JDP2: variants seen among roughly 807,000 people sequenced by gnomAD.
JDP2 encodes Jun dimerization protein 2.
A neutral mutation model predicts 17.1 loss-of-function variants in JDP2; 9 were observed. The ratio of observed to expected loss-of-function variants is 0.53; its 90% CI spans 0.32 to 0.92. The LOEUF (loss-of-function observed/expected upper bound fraction) is 0.92, where lower values mean the gene tolerates loss of function less well. Among genes scored for constraint, JDP2 ranks in the 40% least tolerant of loss-of-function variants. The pLI is 0.04. For missense variants in JDP2, 179 were observed against 220.0 expected (o/e 0.81, Z 1.18); for synonymous variants, 107 against 95.6 (o/e 1.12, Z -0.69).
chr14:75,434,693 C>T (rs1020717676), intron 1 of JDP2, among the ~76,000 whole-genome samples: 14 of 152,198 alleles, frequency 9.2e-5, no homozygotes, highest in African/African-American at 3.1e-4. Context: ...CTATCATTCC[C>T]GGAACAGAAT....
intron 3 of JDP2, among the ~76,000 whole-genome samples, chr14:75,465,463 C>G (rs1311751486): frequency 6.6e-6 from 1 of 152,132 alleles, no homozygotes; most frequent in African/African-American, 2.4e-5. Context: ...TCCTGAGTAG[C>G]TGGGACTACA....
At chr14:75,439,540 TG>T (rs1422485431) in intron 2 of JDP2, among the ~76,000 whole-genome samples, 1 of 152,226 alleles carries the variant, frequency 6.6e-6, no homozygotes, top group Non-Finnish European at 1.5e-5. Flanking sequence ...CTTACATTGT[TG>T]GTTTTGCTTT....
intron 2 of JDP2, among the ~76,000 whole-genome samples, chr14:75,439,727 G>A (rs111374146): frequency 2.4e-4 from 36 of 152,272 alleles, no homozygotes; most frequent in African/African-American, 8.4e-4. Flanking sequence ...TGTGTCGTTG[G>A]GGCACATCCC....
chr14:75,445,495 G>A (rs999774134), intron 2 of JDP2: 25 of 985,224 alleles, frequency 2.5e-5, no homozygotes, highest in Admixed American at 6.2e-5. Flanking sequence ...CCCAGTCCCC[G>A]CGAATAAAAA....
In JDP2 at chr14:75,462,644, G is replaced by C. The variant is rs79408705; in HGVS notation, c.306+1114G>C. 2.0e-3 allele frequency among the ~76,000 whole-genome samples: 300 copies of C among 152,290 alleles called. 1 individual carries two copies. The highest frequency in any genetic ancestry group is 7.1e-3 in the African/African-American group (293 of 41,548). On this transcript the variant is annotated intron_variant, in intron 3 of 3. Transcript: ENST00000651602. ...TTAAGCATGTACTAAATGTGCATCC[G>C]TGTGTTGGGTACACTGGGGGCACAC... is the stretch of plus-strand genomic sequence containing the variant.
chr14:75,433,683 C>T (rs974691618), intron 1 of JDP2, among the ~76,000 whole-genome samples: 3 of 151,566 alleles, frequency 2.0e-5, no homozygotes, highest in East Asian at 1.9e-4. Context: ...TTCTGAACCT[C>T]GTCTGTCTGA....
rs552021114 is a variant in JDP2 at position 75,449,506 on chromosome 14, C to T, written c.201+11385C>T. On this transcript the variant is annotated intron_variant, in intron 2 of 3. Transcript: ENST00000651602. ...TCTTTGAGAAGAAGACAGATTTTTC[C>T]CTGCCAGATGCATTCTGCTTCTCAC... Among the ~76,000 whole-genome samples the T allele has an allele frequency of 1.9e-3, 286 of 152,206 alleles. 1 individual carries two copies. The highest frequency in any genetic ancestry group is 6.5e-3 in the African/African-American group (270 of 41,516).
At chr14:75,440,984 C>T (rs536541526) in intron 2 of JDP2, among the ~76,000 whole-genome samples, 70 of 152,360 alleles carry the variant, frequency 4.6e-4, no homozygotes, top group Admixed American at 1.6e-3. Flanking sequence ...TATACCCCTT[C>T]CAGGCTTCTA....
chr14:75,458,459 A>G (rs958578378), intron 2 of JDP2, among the ~76,000 whole-genome samples: 7 of 152,186 alleles, frequency 4.6e-5, no homozygotes, highest in Non-Finnish European at 7.3e-5. Flanking sequence ...GCTAAGGATA[A>G]TAACCTGAGC....
In JDP2 at chr14:75,469,534, G is replaced by A. The variant is rs2140004297; in HGVS notation, c.*59G>A. 1 of 1,539,492 alleles carries A rather than the reference G, an allele frequency of 6.5e-7. No homozygotes were observed. The highest frequency in any genetic ancestry group is 2.3e-5 in the East Asian group (1 of 43,562). The stretch of plus-strand genomic sequence containing the variant: ...AGGAGAAGGAAAAGTGACGAAGAGA[G>A]AGGAGGAGGGGGGCCCCAGATGGCC... On this transcript the variant is annotated 3_prime_UTR_variant, in exon 4 of 4. Coordinates refer to ENST00000651602, the MANE Select transcript of JDP2 (RefSeq NM_001135048.2).
chr14:75,446,246 G>A (rs976092653), intron 2 of JDP2, among the ~76,000 whole-genome samples: 49 of 152,214 alleles, frequency 3.2e-4, no homozygotes, highest in African/African-American at 1.2e-3. Context: ...CAGTCTGGCA[G>A]TTCCTCAAAT....
chr14:75,463,364 G>T (rs1886418950), intron 3 of JDP2, among the ~76,000 whole-genome samples: 1 of 152,244 alleles, frequency 6.6e-6, no homozygotes, highest in East Asian at 1.9e-4. Flanking sequence ...CTAGCGAGTG[G>T]TGGGCTTGGA....
chr14:75,453,655 A>G lies in JDP2; in HGVS notation c.202-7771A>G, dbSNP rs557228402. Among the ~76,000 whole-genome samples the G allele has an allele frequency of 1.1e-4, 17 of 152,308 alleles. No individual in the cohort carries two copies. The East Asian group carries it at 2.7e-3, about 24-fold the overall frequency. On this transcript the variant is annotated intron_variant, in intron 2 of 3. Coordinates refer to ENST00000651602, the MANE Select transcript of JDP2 (RefSeq NM_001135048.2). ...ACCTTCCTGTACAAGTGAGGAATGG[A>G]GGCTCAGAGAGGCCAAGTAACTTGC...
At chr14:75,454,023 G>A (rs1457850504) in intron 2 of JDP2, among the ~76,000 whole-genome samples, 3 of 152,116 alleles carry the variant, frequency 2.0e-5, no homozygotes, top group Non-Finnish European at 4.4e-5. Context: ...GGTCCTGCAA[G>A]CTATGTTTTT....
rs1035142531 is a variant in JDP2, at chr14:75,469,623, T to G, written c.*148T>G. ...GCACAGCCAGCATCAGCCGAGCTTT[T>G]TTGTGAAACTCAGATCAGCCACCCA... On this transcript the variant is annotated 3_prime_UTR_variant, in exon 4 of 4. Coordinates refer to ENST00000651602, the MANE Select transcript of JDP2 (RefSeq NM_001135048.2). 1.6e-4 allele frequency: 110 copies of G among 708,378 alleles called. No homozygotes were observed. Among genetic ancestry groups the G allele is most frequent in the Non-Finnish European group, 2.1e-4 (92 of 437,476 alleles). The allele number at this position is 708,378 out of a possible 1,614,324, so 43.9% of individuals were successfully genotyped here.
intron 1 of JDP2, among the ~76,000 whole-genome samples, chr14:75,436,772 G>A (rs1349627010): frequency 6.6e-6 from 1 of 152,192 alleles, no homozygotes; most frequent in Non-Finnish European, 1.5e-5. Flanking sequence ...CCCAGTAAAG[G>A]GAAGGAAGAA....
chr14:75,431,181 C>G (rs551991815), intron 1 of JDP2, among the ~76,000 whole-genome samples: 4 of 152,196 alleles, frequency 2.6e-5, no homozygotes, highest in African/African-American at 7.2e-5. Flanking sequence ...AATGGTTGTA[C>G]GCTCCCAGCT....
At chr14:75,462,823 C>T (rs1027896360) in intron 3 of JDP2, among the ~76,000 whole-genome samples, 49 of 151,998 alleles carry the variant, frequency 3.2e-4, no homozygotes, top group Admixed American at 3.3e-4. Context: ...AGCATGGGGC[C>T]GTGTATCTAC....
At position 75,437,785 on chromosome 14, in the gene JDP2, G is replaced by C. The variant is rs1885137379; in HGVS notation, c.-23-113G>C. ...AGGAAGAGCAGCTGGGTGGGAAAGGGATTCAGGGGAACATTGGTGAAAGAA... is the reference window on the plus strand; with the variant it reads ...AGGAAGAGCAGCTGGGTGGGAAAGGCATTCAGGGGAACATTGGTGAAAGAA... On this transcript the variant is annotated intron_variant, in intron 1 of 3. Transcript: ENST00000651602. 4.4e-6 allele frequency: 3 copies of C among 688,036 alleles called. No individual in the cohort carries two copies. The South Asian group carries it at 6.6e-5, about 15-fold the overall frequency. 42.6% of individuals were successfully genotyped at this position (688,036 alleles called of 1,614,324 possible). A position where few individuals can be genotyped will look rare whatever the true frequency, so the allele number is the denominator to read the frequency against.
Sources: gnomAD v4.1 joint callset for allele counts (sites outside exome capture counted in the v4.1 genomes callset) on GRCh38, gnomAD v4.1.1 for gene constraint, MANE v1.5 for transcripts, NCBI Gene and HGNC (gene_info 2026-07-23, HGNC 2026-07-21) for gene names.